RBM47: variants seen among roughly 807,000 people sequenced by gnomAD.
The protein encoded by RBM47 is RNA binding motif protein 47.
Under a neutral mutation model 47.1 loss-of-function variants are expected in RBM47, and 21 were observed. The ratio of observed to expected loss-of-function variants is 0.45; its 90% CI spans 0.32 to 0.64. The LOEUF (loss-of-function observed/expected upper bound fraction) is 0.64. RBM47 is among the 30% of genes least tolerant of loss of function. The pLI, the probability that RBM47 is intolerant of heterozygous loss-of-function variation, is 0.05. For synonymous variants in RBM47, 375 were observed against 361.7 expected (o/e 1.04, Z -0.42); for missense variants, 708 against 870.9 (o/e 0.81, Z 2.35).
chr4:40,438,482 G>A lies in RBM47; in HGVS notation c.412C>T (p.Pro138Ser), dbSNP rs1713073065. Residue 138 changes from proline to serine, a missense_variant, in exon 4 of 7, where the codon CCG becomes TCG. Physicochemically the swap from Pro to Ser is moderately conservative, Grantham distance 74. Transcript: ENST00000295971. The part of the protein sequence containing the change: ...VRELNNYEIR[P>S]GRLLGVCCSV... ...CAGCACACGCCGAGCAGGCGGCCCG[G>A]GCGGATCTCGTAGTTGTTGAGCTCA... The A allele has an allele frequency of 3.7e-6, 6 of 1,613,494 alleles. No homozygotes were observed. The South Asian group carries it at 6.6e-5, about 18-fold the overall frequency.
chr4:40,498,444 C>T (rs1722927690), intron 2 of RBM47, among the ~76,000 whole-genome samples: 1 of 152,050 alleles, frequency 6.6e-6, no homozygotes, highest in Admixed American at 6.6e-5. Flanking sequence ...CGCCTGTAAT[C>T]CCTGCGGGGG....
At chr4:40,464,890 C>CAAAAAAAAAAAAAAA in intron 3 of RBM47, among the ~76,000 whole-genome samples, 1 of 32,082 alleles carries the variant, frequency 3.1e-5, no homozygotes, top group Non-Finnish European at 5.1e-5. Context: ...GACTCTGTCT[C>CAAAAAAAAAAAAAAA]AAAAAAAAAA....
chr4:40,429,571 C>T (rs55916824), intron 6 of RBM47, among the ~76,000 whole-genome samples: 2,261 of 151,438 alleles, frequency 0.015, 27 homozygotes, highest in African/African-American at 0.042. Context: ...AAACATTTAC[C>T]CATCCCTAAA....
intron 1 of RBM47, among the ~76,000 whole-genome samples, chr4:40,580,546 TTGAAA>T (rs2154270865): frequency 6.6e-6 from 1 of 152,248 alleles, no homozygotes; most frequent in South Asian, 2.1e-4. Flanking sequence ...TTTAAAGGCC[TTGAAA>T]TTTGGTTACC....
chr4:40,553,199 C>T (rs1729739348), intron 1 of RBM47, among the ~76,000 whole-genome samples: 1 of 150,902 alleles, frequency 6.6e-6, no homozygotes, highest in Admixed American at 6.6e-5. Flanking sequence ...TAAAAGAGTT[C>T]TCCAATCACC....
intron 2 of RBM47, among the ~76,000 whole-genome samples, chr4:40,527,588 G>C (rs1051646608): frequency 3.3e-5 from 5 of 150,502 alleles, no homozygotes; most frequent in Non-Finnish European, 4.4e-5. Flanking sequence ...ACTGCGCCCG[G>C]ACTAACTTTT....
chr4:40,437,952 C>T lies in RBM47; in HGVS notation c.942G>A (p.Thr314=), dbSNP rs1336723731. 2.5e-6 allele frequency: 4 copies of T among 1,613,338 alleles called. No individual in the cohort carries two copies. In the African/African-American group the frequency reaches 4.0e-5, roughly 16 times the overall value. ...TELEGSCLEV[T]LAKPVDKEQY... ...GCTCCTTGTCCACGGGCTTGGCCAG[C>T]GTGACCTCCAGGCACGAGCCCTCCA... Residue 314 remains threonine (T), a synonymous_variant, in exon 4 of 7, where the codon ACG becomes ACA. Transcript: ENST00000295971.
intron 1 of RBM47, among the ~76,000 whole-genome samples, chr4:40,605,829 C>T (rs1044472272): frequency 1.3e-5 from 2 of 149,498 alleles, no homozygotes; most frequent in African/African-American, 4.9e-5. Context: ...GAGACTCCAT[C>T]TTAAAAAAAA....
At chr4:40,442,301 T>G (rs1422383430) in intron 3 of RBM47, among the ~76,000 whole-genome samples, 2 of 152,194 alleles carry the variant, frequency 1.3e-5, no homozygotes, top group Middle Eastern at 3.2e-3. Flanking sequence ...TACCAACAAG[T>G]GAGAACCACA....
At chr4:40,565,200 T>C (rs1560472619) in intron 1 of RBM47, among the ~76,000 whole-genome samples, 2 of 152,222 alleles carry the variant, frequency 1.3e-5, no homozygotes, top group South Asian at 4.1e-4. Context: ...ATTAATGAGC[T>C]GTGAAGTTAT....
At chr4:40,601,750 T>A (rs1382879632) in intron 1 of RBM47, among the ~76,000 whole-genome samples, 1 of 152,224 alleles carries the variant, frequency 6.6e-6, no homozygotes, top group Non-Finnish European at 1.5e-5. Flanking sequence ...CTGCTCTCTG[T>A]TCCTGGAAAC....
chr4:40,583,624 C>T (rs957545052), intron 1 of RBM47, among the ~76,000 whole-genome samples: 12 of 151,514 alleles, frequency 7.9e-5, no homozygotes, highest in Admixed American at 3.3e-4. Flanking sequence ...TTTGGGAGGC[C>T]GAGACGGGTG....
At chr4:40,475,108 C>T (rs1463356151) in intron 2 of RBM47, among the ~76,000 whole-genome samples, 1 of 152,094 alleles carries the variant, frequency 6.6e-6, no homozygotes, top group African/African-American at 2.4e-5. Context: ...ATATAATCTA[C>T]ACCTAAATAA....
chr4:40,496,355 CACACACACA>C (rs1560419532), intron 2 of RBM47, among the ~76,000 whole-genome samples: 34 of 111,164 alleles, frequency 3.1e-4, no homozygotes, highest in African/African-American at 1.0e-3. Context: ...CACACACACA[CACACACACA>C]AAGAGAGAAA....
intron 1 of RBM47, among the ~76,000 whole-genome samples, chr4:40,580,613 T>C (rs1034731324): frequency 2.0e-5 from 3 of 152,206 alleles, no homozygotes; most frequent in Non-Finnish European, 2.9e-5. Flanking sequence ...CAGCACGCAC[T>C]GGCAGCCGCA....
At chr4:40,462,476 C>T (rs1017808054) in intron 3 of RBM47, among the ~76,000 whole-genome samples, 2 of 152,014 alleles carry the variant, frequency 1.3e-5, no homozygotes, top group African/African-American at 4.8e-5. Flanking sequence ...TTTTTCTAGC[C>T]TAAGCCACTA....
chr4:40,503,701 T>C (rs370953986), intron 2 of RBM47, among the ~76,000 whole-genome samples: 1 of 151,896 alleles, frequency 6.6e-6, no homozygotes, highest in Non-Finnish European at 1.5e-5. Flanking sequence ...ATGGAAAGCA[T>C]GGAAGAGCCT....
chr4:40,575,082 A>G (rs1393961641), intron 1 of RBM47, among the ~76,000 whole-genome samples: 2 of 152,172 alleles, frequency 1.3e-5, no homozygotes, highest in African/African-American at 4.8e-5. Flanking sequence ...CTGGCTTCTA[A>G]TAAGCACAGG....
Position 40,438,728 on chromosome 4 carries a change from C to T in RBM47, c.166G>A (p.Gly56Ser). Reference sequence around the variant, plus strand: ...CCCTCCCAGCCGGGCGGTGGGCCGCCGTACTTGCGCTGCCCGTTCTCTTGC... The same window carrying T: ...CCCTCCCAGCCGGGCGGTGGGCCGCTGTACTTGCGCTGCCCGTTCTCTTGC... ...MVQENGQRKY[G>S]GPPPGWEGPH... Residue 56 changes from glycine (G) to serine (S), a missense_variant, in exon 4 of 7, where the codon GGC (glycine) becomes AGC (serine). Coordinates refer to ENST00000295971, the MANE Select transcript of RBM47 (RefSeq NM_001098634.2). The T allele has an allele frequency of 1.2e-6, 2 of 1,605,136 alleles. No homozygotes were observed. The highest frequency in any genetic ancestry group is 1.7e-6 in the Non-Finnish European group (2 of 1,177,490).
Sources: gnomAD v4.1 joint callset for allele counts (sites outside exome capture counted in the v4.1 genomes callset) on GRCh38, gnomAD v4.1.1 for gene constraint, MANE v1.5 for transcripts, NCBI Gene and HGNC (gene_info 2026-07-23, HGNC 2026-07-21) for gene names.